Variants in DYNC1I1 observed in about 807,000 individuals in gnomAD.
The protein encoded by DYNC1I1 is dynein cytoplasmic 1 intermediate chain 1.
DYNC1I1 carries 43 observed loss-of-function variants against 86.6 expected under a neutral mutation model. The observed-to-expected ratio is 0.50, with a 90% confidence interval of 0.39 to 0.64. DYNC1I1 has a LOEUF of 0.64. Ranked by LOEUF, DYNC1I1 falls within the 30% of genes least tolerant of loss-of-function variation. DYNC1I1 has a pLI of 0.00. For missense variants in DYNC1I1, 604 were observed against 788.8 expected (o/e 0.77, Z 2.81); for synonymous variants, 262 against 283.7 (o/e 0.92, Z 0.77).
chr7:96,022,633 C>A (rs918911015), intron 10 of DYNC1I1, among the ~76,000 whole-genome samples: 3 of 151,880 alleles, frequency 2.0e-5, no homozygotes, highest in African/African-American at 7.3e-5. Flanking sequence ...GAGGTTGAGG[C>A]AGGAAGATTG....
chr7:95,939,032 T>G (rs987001406), intron 6 of DYNC1I1, among the ~76,000 whole-genome samples: 3 of 152,150 alleles, frequency 2.0e-5, no homozygotes, highest in Admixed American at 6.5e-5. Context: ...ACATCTTTAT[T>G]TCTGCCTTCC....
chr7:95,925,740 T>C (rs1791728682), intron 6 of DYNC1I1, among the ~76,000 whole-genome samples: 1 of 152,192 alleles, frequency 6.6e-6, no homozygotes, highest in Non-Finnish European at 1.5e-5. Context: ...CAAGTGACAT[T>C]TGTGCTTAAA....
chr7:95,913,058 T>G (rs1204173281), intron 6 of DYNC1I1, among the ~76,000 whole-genome samples: 1 of 152,210 alleles, frequency 6.6e-6, no homozygotes, highest in Non-Finnish European at 1.5e-5. Flanking sequence ...TCTGTTAATA[T>G]TTTTATGTAG....
At chr7:96,066,615 G>A (rs769726924) in intron 14 of DYNC1I1, among the ~76,000 whole-genome samples, 6 of 152,138 alleles carry the variant, frequency 3.9e-5, no homozygotes, top group Non-Finnish European at 8.8e-5. Flanking sequence ...TTAGTTATCA[G>A]GAAATTTAGA....
chr7:95,996,605 G>T (rs1195021799), intron 10 of DYNC1I1, among the ~76,000 whole-genome samples: 1 of 152,182 alleles, frequency 6.6e-6, no homozygotes, highest in African/African-American at 2.4e-5. Context: ...TGAAAATGCA[G>T]AGATAATTTC....
At chr7:95,974,445 G>C (rs1793252691) in intron 6 of DYNC1I1, among the ~76,000 whole-genome samples, 1 of 152,092 alleles carries the variant, frequency 6.6e-6, no homozygotes, top group African/African-American at 2.4e-5. Flanking sequence ...ATTTTACTTA[G>C]TTATTCTTAC....
intron 6 of DYNC1I1, among the ~76,000 whole-genome samples, chr7:95,904,669 A>G (rs1322104069): frequency 6.6e-6 from 1 of 152,184 alleles, no homozygotes; most frequent in Non-Finnish European, 1.5e-5. Flanking sequence ...ACATACACAC[A>G]AAGATATATA....
chr7:95,944,108 T>A (rs941768323), intron 6 of DYNC1I1, among the ~76,000 whole-genome samples: 65 of 151,838 alleles, frequency 4.3e-4, no homozygotes, highest in Non-Finnish European at 8.4e-4. Flanking sequence ...TTGGAGAAAA[T>A]TTTTGCAACC....
chr7:95,937,532 C>T (rs1584177863), intron 6 of DYNC1I1, among the ~76,000 whole-genome samples: 1 of 148,038 alleles, frequency 6.8e-6, no homozygotes, highest in East Asian at 2.0e-4. Flanking sequence ...CTATGAAAGA[C>T]ATTTAGCAAA....
intron 6 of DYNC1I1, among the ~76,000 whole-genome samples, chr7:95,902,228 C>T (rs882209): frequency 0.1 from 15,665 of 152,086 alleles, 1,369 homozygotes; most frequent in African/African-American, 0.24. Context: ...TCTCCAGTGG[C>T]GTGTTTTTTC....
At chr7:96,048,467 A>C (rs1789287016) in intron 14 of DYNC1I1, among the ~76,000 whole-genome samples, 1 of 152,176 alleles carries the variant, frequency 6.6e-6, no homozygotes, top group Admixed American at 6.5e-5. Context: ...GGGGCTTATT[A>C]GAGATGCAAA....
intron 9 of DYNC1I1, among the ~76,000 whole-genome samples, chr7:95,995,213 C>T (rs965629408): frequency 1.3e-5 from 2 of 151,686 alleles, no homozygotes; most frequent in Admixed American, 6.6e-5. Flanking sequence ...GGCCACTGCA[C>T]TCCAGCCTGG....
intron 5 of DYNC1I1, among the ~76,000 whole-genome samples, chr7:95,846,911 A>T (rs1326799675): frequency 6.6e-6 from 1 of 152,172 alleles, no homozygotes; most frequent in Non-Finnish European, 1.5e-5. Context: ...CTATAGATCC[A>T]ACATTTTCTC....
chr7:95,808,781 A>G (rs1794761093), intron 2 of DYNC1I1, among the ~76,000 whole-genome samples: 1 of 152,200 alleles, frequency 6.6e-6, no homozygotes, highest in African/African-American at 2.4e-5. Flanking sequence ...ACCAACAGAA[A>G]TATAACTTGC....
intron 10 of DYNC1I1, among the ~76,000 whole-genome samples, chr7:96,002,826 TG>T (rs1451350975): frequency 6.6e-6 from 1 of 151,266 alleles, no homozygotes; most frequent in South Asian, 2.1e-4. Flanking sequence ...GGTTTTTTTT[TG>T]GGTTTTTTTT....
At chr7:96,099,983 T>A (rs10441284), downstream of DYNC1I1, among the ~76,000 whole-genome samples, 5,023 of 152,196 alleles carry the variant, frequency 0.033, 249 homozygotes, top group African/African-American at 0.11. Context: ...ACACAGCCAG[T>A]CCACAGCCAT....
intron 6 of DYNC1I1, among the ~76,000 whole-genome samples, chr7:95,934,079 T>C (rs1488516): frequency 0.8 from 121,031 of 151,974 alleles, 48,426 homozygotes; most frequent in East Asian, 0.93. Flanking sequence ...CTTGGAACAG[T>C]GATAAAGAAG....
chr7:96,097,464 C>G lies in DYNC1I1; in HGVS notation c.1777-19C>G, dbSNP rs914317165. The G allele has an allele frequency of 3.7e-6, 6 of 1,613,054 alleles. No individual in the cohort carries two copies. The South Asian group carries it at 5.5e-5, about 15-fold the overall frequency. Reference sequence around the variant, plus strand: ...GAAAGATATCTTGTTCATCATTTCTCCATTGATTTGCTTTGCAGCTTGCAG... The same window carrying G: ...GAAAGATATCTTGTTCATCATTTCTGCATTGATTTGCTTTGCAGCTTGCAG... On this transcript the variant is annotated intron_variant, in intron 16 of 16. Transcript: ENST00000447467.
At chr7:95,795,568 G>T (rs992235133) in intron 1 of DYNC1I1, among the ~76,000 whole-genome samples, 1 of 152,150 alleles carries the variant, frequency 6.6e-6, no homozygotes, top group African/African-American at 2.4e-5. Context: ...AAAAAAGAAC[G>T]AGATCATGTC....
Sources: allele counts gnomAD v4.1 joint callset (sites outside exome capture counted in the v4.1 genomes callset), GRCh38; gene constraint gnomAD v4.1.1; transcripts MANE v1.5; gene names NCBI Gene and HGNC (gene_info 2026-07-23, HGNC 2026-07-21).